Variants in MAN1C1 observed in about 807,000 individuals in gnomAD.
The protein encoded by MAN1C1 is mannosyl-oligosaccharide 1,2-alpha-mannosidase IC.
A neutral mutation model predicts 71.5 loss-of-function variants in MAN1C1; 49 were observed. That is an observed-to-expected ratio of 0.69 (90% confidence interval 0.54 to 0.87). The LOEUF is 0.87. Among genes scored for constraint, MAN1C1 ranks in the 40% least tolerant of loss-of-function variants. The pLI, the probability that MAN1C1 is intolerant of heterozygous loss-of-function variation, is 0.00. For missense variants in MAN1C1, 743 were observed against 835.0 expected (o/e 0.89, Z 1.36); for synonymous variants, 352 against 343.7 (o/e 1.02, Z -0.27).
chr1:25,651,948 GCTGC>G (rs143244648), intron 1 of MAN1C1, among the ~76,000 whole-genome samples: 5 of 152,328 alleles, frequency 3.3e-5, no homozygotes, highest in Non-Finnish European at 7.3e-5. Context: ...AGAAGACCCT[GCTGC>G]CTGCCTGCCT....
At chr1:25,770,626 G>A (rs1040342681) in intron 7 of MAN1C1, among the ~76,000 whole-genome samples, 21 of 152,198 alleles carry the variant, frequency 1.4e-4, no homozygotes, top group Non-Finnish European at 2.9e-5. Flanking sequence ...TGCCCAGGAA[G>A]ATTAAGTTAT....
At chr1:25,701,733 C>A (rs2046446910) in intron 2 of MAN1C1, among the ~76,000 whole-genome samples, 1 of 152,316 alleles carries the variant, frequency 6.6e-6, no homozygotes, top group Non-Finnish European at 1.5e-5. Context: ...TTCATCTTCA[C>A]CCTTGTGTCC....
chr1:25,698,308 A>T (rs565436533), intron 2 of MAN1C1, among the ~76,000 whole-genome samples: 2 of 151,936 alleles, frequency 1.3e-5, no homozygotes, highest in African/African-American at 4.8e-5. Context: ...GGTTCTTCAA[A>T]CCCTGGCCCC....
At chr1:25,738,665 T>C (rs922082374) in intron 2 of MAN1C1, among the ~76,000 whole-genome samples, 12 of 152,140 alleles carry the variant, frequency 7.9e-5, no homozygotes, top group Admixed American at 7.9e-4. Context: ...CTGGAAGCTT[T>C]TTGAGTCATG....
chr1:25,715,115 G>C (rs2046663055), intron 2 of MAN1C1, among the ~76,000 whole-genome samples: 1 of 152,166 alleles, frequency 6.6e-6, no homozygotes, highest in Non-Finnish European at 1.5e-5. Flanking sequence ...ATGTGAACAA[G>C]CTGGTACAAC....
intron 1 of MAN1C1, among the ~76,000 whole-genome samples, chr1:25,638,947 G>A (rs1481118822): frequency 6.6e-6 from 1 of 151,994 alleles, no homozygotes; most frequent in Admixed American, 6.6e-5. Flanking sequence ...TTTCTTCTCA[G>A]CCCATCTCCT....
chr1:25,684,382 G>A (rs962908366), intron 1 of MAN1C1, among the ~76,000 whole-genome samples: 1 of 152,212 alleles, frequency 6.6e-6, no homozygotes, highest in Admixed American at 6.5e-5. Flanking sequence ...CCTTGGCTGT[G>A]TTACCATGAC....
intron 2 of MAN1C1, among the ~76,000 whole-genome samples, chr1:25,710,781 A>T (rs1160719736): frequency 6.6e-6 from 1 of 152,192 alleles, no homozygotes; most frequent in Non-Finnish European, 1.5e-5. Context: ...CTGAAGGCTG[A>T]TGACTTAGTA....
intron 2 of MAN1C1, among the ~76,000 whole-genome samples, chr1:25,715,198 T>C (rs1180479736): frequency 1.3e-5 from 2 of 152,090 alleles, no homozygotes; most frequent in African/African-American, 2.4e-5. Flanking sequence ...AGCCCAAAAT[T>C]AGTGCTGGTG....
rs181654128 is a variant in MAN1C1 at position 25,657,302 on chromosome 1, T to C, written c.541-29138T>C. On this transcript the variant is annotated intron_variant, in intron 1 of 11. Transcript: ENST00000374332. The stretch of plus-strand genomic sequence containing the variant: ...TGAGCAGACTGCCCTTCCCCACGCC[T>C]TTCTCAGTGCCTCTTCCCCAGAGGC... 2.4e-4 allele frequency among the ~76,000 whole-genome samples: 37 copies of C among 152,316 alleles called. No individual in the cohort carries two copies. The East Asian group carries it at 4.6e-3, about 19-fold the overall frequency.
chr1:25,771,883 C>T, intron 8 of MAN1C1, 111 bp downstream of exon 8: 1 of 760,138 alleles, frequency 1.3e-6, no homozygotes, highest in Non-Finnish European at 2.2e-6. Flanking sequence ...AGACTTGCTC[C>T]CACCCCCTGC....
chr1:25,630,765 T>G (rs1232441736), intron 1 of MAN1C1, among the ~76,000 whole-genome samples: 2 of 152,232 alleles, frequency 1.3e-5, no homozygotes, highest in Middle Eastern at 3.2e-3. Context: ...TTTTGTAACC[T>G]GAGACTTTAA....
At chr1:25,707,668 A>G (rs1245492993) in intron 2 of MAN1C1, among the ~76,000 whole-genome samples, 1 of 152,224 alleles carries the variant, frequency 6.6e-6, no homozygotes, top group Non-Finnish European at 1.5e-5. Context: ...TCATTCAGTG[A>G]GCCACTGTTG....
rs376073014 is a variant in MAN1C1, at chr1:25,686,520, C to T, written c.621C>T (p.Tyr207=). The change falls in exon 2 of 12, where the codon TAC becomes TAT. Residue 207 remains tyrosine (Y), a synonymous_variant. Transcript: ENST00000374332. ...NELRPLTKDG[Y]EGNMFGGLSG... The stretch of plus-strand genomic sequence containing the variant: ...TCCGTCCACTAACAAAAGATGGCTA[C>T]GAGGGTAACATGTTCGGTGAGTCGA... 3.2e-5 allele frequency: 52 copies of T among 1,613,938 alleles called. No homozygotes were observed. Among genetic ancestry groups the T allele is most frequent in the Non-Finnish European group, 3.6e-5 (43 of 1,179,980 alleles).
rs1435212007 is a variant in MAN1C1, at chr1:25,757,892, G to T, written c.930-700G>T. Among the ~76,000 whole-genome samples the T allele has an allele frequency of 2.6e-5, 4 of 152,228 alleles. No individual in the cohort carries two copies. In the East Asian group the frequency reaches 7.7e-4, roughly 29 times the overall value. Reference sequence around the variant, plus strand: ...GTGATCTCAGGCAGGGGACATCACTGTCCTGTGCCTTGTTTACCGCGTTTG... The same window carrying T: ...GTGATCTCAGGCAGGGGACATCACTTTCCTGTGCCTTGTTTACCGCGTTTG... On this transcript the variant is annotated intron_variant, in intron 5 of 11. Coordinates refer to ENST00000374332, the MANE Select transcript of MAN1C1 (RefSeq NM_020379.4).
chr1:25,743,933 G>A (rs565083242), intron 2 of MAN1C1, among the ~76,000 whole-genome samples: 6 of 152,180 alleles, frequency 3.9e-5, no homozygotes, highest in Non-Finnish European at 7.4e-5. Context: ...AGAATTGAGC[G>A]GCCCTGCAAT....
intron 1 of MAN1C1, among the ~76,000 whole-genome samples, chr1:25,647,040 T>G (rs2045625076): frequency 2.6e-5 from 4 of 152,078 alleles, no homozygotes; most frequent in Admixed American, 2.6e-4. Context: ...TAGCAGTGTA[T>G]GAGGGGAGGT....
intron 5 of MAN1C1, among the ~76,000 whole-genome samples, chr1:25,757,642 C>T (rs546170044): frequency 6.6e-5 from 10 of 152,294 alleles, no homozygotes; most frequent in Admixed American, 2.0e-4. Context: ...GATGCAGGCA[C>T]GGAGGCATGC....
chr1:25,705,712 A>C (rs529000773), intron 2 of MAN1C1, among the ~76,000 whole-genome samples: 1 of 152,358 alleles, frequency 6.6e-6, no homozygotes, highest in Non-Finnish European at 1.5e-5. Context: ...TTAGGAGGCC[A>C]AGGCAGGAGG....
Sources: allele counts gnomAD v4.1 joint callset (sites outside exome capture counted in the v4.1 genomes callset), GRCh38; gene constraint gnomAD v4.1.1; transcripts MANE v1.5; gene names NCBI Gene and HGNC (gene_info 2026-07-23, HGNC 2026-07-21).